Variants in ANKH observed in about 807,000 individuals in gnomAD.
ANKH encodes mineralization regulator ANKH.
In ANKH, 15 loss-of-function variants were observed where a neutral mutation model predicts 49.0. The observed-to-expected ratio is 0.31, with a 90% confidence interval of 0.20 to 0.47. ANKH has a LOEUF of 0.47. Ranked by LOEUF, ANKH falls within the 20% of genes least tolerant of loss-of-function variation. ANKH has a pLI of 1.00. For missense variants in ANKH, 429 were observed against 652.0 expected (o/e 0.66, Z 3.72); for synonymous variants, 273 against 260.0 (o/e 1.05, Z -0.48).
Position 14,731,476 on chromosome 5 carries a change from AC to A in ANKH, c.1011+10350del, listed in dbSNP as rs550228443. On this transcript the variant is annotated intron_variant, in intron 8 of 11. Coordinates refer to ENST00000284268, the MANE Select transcript of ANKH (RefSeq NM_054027.6). The stretch of plus-strand genomic sequence containing the variant: ...GCCAGGGGCCGGGGGTACCTTCCAA[AC>A]CCCAGCTCTCTCTCTGCCTTCTCCA... Among the ~76,000 whole-genome samples, 80 of 152,202 alleles carry A rather than the reference AC, an allele frequency of 5.3e-4. 1 individual carries two copies. The South Asian group carries it at 8.7e-3, about 17-fold the overall frequency.
At position 14,871,717 on chromosome 5, in the gene ANKH, A is replaced by ACGGCGGCGGCGG. The variant is rs531421951; in HGVS notation, c.-282_-271dup. The ACGGCGGCGGCGG allele has an allele frequency of 6.4e-6, 1 of 157,190 alleles. No individual in the cohort carries two copies. The highest frequency in any genetic ancestry group is 1.3e-5 in the Non-Finnish European group (1 of 74,650). The allele number at this position is 157,190 out of a possible 1,614,324, so 9.7% of individuals were successfully genotyped here. A position where few individuals can be genotyped will look rare whatever the true frequency, so the allele number is the denominator to read the frequency against. On this transcript the variant is annotated 5_prime_UTR_variant, in exon 1 of 12. Coordinates refer to ENST00000284268, the MANE Select transcript of ANKH (RefSeq NM_054027.6). Reference sequence around the variant, plus strand: ...TCTGCCGGGAAAAAAAAGAGGAGGGACGGCGGCGGCGGCGGCGGCGGCAGA... The same window carrying ACGGCGGCGGCGG: ...TCTGCCGGGAAAAAAAAGAGGAGGGACGGCGGCGGCGGCGGCGGCGGCGGCGGCGGCGGCAGA...
At chr5:14,805,913 C>T (rs1740697969) in intron 1 of ANKH, among the ~76,000 whole-genome samples, 1 of 152,158 alleles carries the variant, frequency 6.6e-6, no homozygotes, top group Non-Finnish European at 1.5e-5. Context: ...GACTGTGCTT[C>T]GAAGTCTGTG....
chr5:14,843,549 G>GAAAAAAAAA lies in ANKH; in HGVS notation c.96+27794_96+27802dup, dbSNP rs60487783. On this transcript the variant is annotated intron_variant, in intron 1 of 11. Coordinates refer to ENST00000284268, the MANE Select transcript of ANKH (RefSeq NM_054027.6). Reference sequence around the variant, plus strand: ...CCCAAACAACTATCAGGGGATTAGCGAAAAAAAAAAAAAAAAAAAAGAGCC... The same window carrying GAAAAAAAAA: ...CCCAAACAACTATCAGGGGATTAGCGAAAAAAAAAAAAAAAAAAAAAAAAAAAAAGAGCC... 2.0e-4 allele frequency among the ~76,000 whole-genome samples: 12 copies of GAAAAAAAAA among 61,010 alleles called. 1 individual carries two copies. The highest frequency in any genetic ancestry group is 1.1e-3 in the East Asian group (2 of 1,754). The allele number at this position is 61,010 out of a possible 152,430, so 40.0% of individuals were successfully genotyped here. A position where few individuals can be genotyped will look rare whatever the true frequency, so the allele number is the denominator to read the frequency against.
At chr5:14,826,015 C>T (rs1385129890) in intron 1 of ANKH, 1 of 153,980 alleles carries the variant, frequency 6.5e-6, no homozygotes, top group Admixed American at 6.5e-5. Context: ...AGTAAGGGTC[C>T]TAACTAATTT....
intron 1 of ANKH, among the ~76,000 whole-genome samples, chr5:14,794,134 G>A (rs1740296700): frequency 6.6e-6 from 1 of 152,368 alleles, no homozygotes; most frequent in East Asian, 1.9e-4. Context: ...TCTCCAGGAA[G>A]TCCTAACAGC....
chr5:14,736,407 A>G (rs1738183331), intron 8 of ANKH, among the ~76,000 whole-genome samples: 1 of 152,214 alleles, frequency 6.6e-6, no homozygotes, highest in Non-Finnish European at 1.5e-5. Context: ...AATTTGGCCA[A>G]CCAACAAATT....
At chr5:14,777,406 G>T (rs187185953) in intron 1 of ANKH, among the ~76,000 whole-genome samples, 1 of 152,272 alleles carries the variant, frequency 6.6e-6, no homozygotes, top group Admixed American at 6.5e-5. Flanking sequence ...TCTGTTGCCT[G>T]ATTTTTTTTC....
intron 8 of ANKH, 133 bp downstream of exon 8, chr5:14,741,694 T>C: frequency 1.4e-6 from 1 of 718,940 alleles, no homozygotes; most frequent in Non-Finnish European, 2.5e-6. Context: ...GAAGAAAGTG[T>C]ATTGAAGAGA....
At chr5:14,848,074 A>C (rs1319126366) in intron 1 of ANKH, among the ~76,000 whole-genome samples, 1 of 152,216 alleles carries the variant, frequency 6.6e-6, no homozygotes, top group African/African-American at 2.4e-5. Context: ...CAGGAGGCAG[A>C]GGTTGCAGTG....
At chr5:14,862,255 A>G (rs1166787554) in intron 1 of ANKH, among the ~76,000 whole-genome samples, 1 of 152,220 alleles carries the variant, frequency 6.6e-6, no homozygotes, top group Admixed American at 6.5e-5. Context: ...ACAAAAAAAG[A>G]GCATTTTTGC....
intron 8 of ANKH, among the ~76,000 whole-genome samples, chr5:14,731,144 T>C (rs1044922428): frequency 3.3e-5 from 5 of 152,196 alleles, no homozygotes; most frequent in Non-Finnish European, 7.4e-5. Flanking sequence ...GGTGAAGGAC[T>C]ATCTGGAAGG....
At chr5:14,839,508 TAAAAA>T (rs56407443) in intron 1 of ANKH, among the ~76,000 whole-genome samples, 1 of 141,354 alleles carries the variant, frequency 7.1e-6, no homozygotes, top group Non-Finnish European at 1.5e-5. Flanking sequence ...TCTTATCAGT[TAAAAA>T]AAAAAAAAAA....
chr5:14,849,806 C>A (rs1383136137), intron 1 of ANKH, among the ~76,000 whole-genome samples: 1 of 152,200 alleles, frequency 6.6e-6, no homozygotes, highest in East Asian at 1.9e-4. Context: ...TCCAGGCAGA[C>A]GCTGCTTGTC....
At chr5:14,716,940 A>G (rs967304340) in intron 8 of ANKH, 105 bp from the exon 9 acceptor site, 13 of 1,447,628 alleles carry the variant, frequency 9.0e-6, no homozygotes, top group Admixed American at 3.6e-5. Flanking sequence ...AAGAGGGACA[A>G]CCGGCCTGAC....
chr5:14,735,862 T>C (rs1252084939), intron 8 of ANKH, among the ~76,000 whole-genome samples: 1 of 152,120 alleles, frequency 6.6e-6, no homozygotes, highest in Non-Finnish European at 1.5e-5. Flanking sequence ...GTTAGGACTT[T>C]AACATAAGAA....
intron 1 of ANKH, among the ~76,000 whole-genome samples, chr5:14,811,240 T>G (rs1267207888): frequency 1.3e-5 from 2 of 149,102 alleles, no homozygotes; most frequent in African/African-American, 5.2e-5. Flanking sequence ...TTCATATTCC[T>G]TATTCATACA....
At chr5:14,749,396 T>A in intron 5 of ANKH, 90 bp from the exon 6 acceptor site, 1 of 1,421,930 alleles carries the variant, frequency 7.0e-7, no homozygotes, top group South Asian at 1.2e-5. Context: ...CTTCGTATGT[T>A]AATCACAAGC....
intron 1 of ANKH, among the ~76,000 whole-genome samples, chr5:14,852,895 G>A (rs994528261): frequency 2.0e-5 from 3 of 152,024 alleles, no homozygotes; most frequent in Non-Finnish European, 4.4e-5. Flanking sequence ...TCACCCAGGA[G>A]AATTCATTCC....
In ANKH at chr5:14,710,984, A is replaced by G. The variant is rs527787686; in HGVS notation, c.*213T>C. On this transcript the variant is annotated 3_prime_UTR_variant, in exon 12 of 12. Transcript: ENST00000284268. ...AGTCAGTTGTTTCGTTTGTTTTTAC[A>G]TAGCAACAGTAAAGACCATTCACTA... 3.5e-6 allele frequency: 2 copies of G among 568,722 alleles called. No homozygotes were observed. Among genetic ancestry groups the G allele is most frequent in the African/African-American group, 1.9e-5 (1 of 53,238 alleles). 35.2% of individuals were successfully genotyped at this position (568,722 alleles called of 1,614,324 possible). A position where few individuals can be genotyped will look rare whatever the true frequency, so the allele number is the denominator to read the frequency against.
Sources: gnomAD v4.1 joint callset for allele counts (sites outside exome capture counted in the v4.1 genomes callset) on GRCh38, gnomAD v4.1.1 for gene constraint, MANE v1.5 for transcripts, NCBI Gene and HGNC (gene_info 2026-07-23, HGNC 2026-07-21) for gene names.